Variants in SPAG16 observed in about 807,000 individuals in gnomAD.
SPAG16 encodes sperm-associated antigen 16 protein.
A neutral mutation model predicts 80.4 loss-of-function variants in SPAG16; 86 were observed. That is an observed-to-expected ratio of 1.07 (90% CI 0.90 to 1.28). SPAG16 has a LOEUF of 1.28. Ranked by LOEUF, SPAG16 falls within the 50% of genes most tolerant of loss-of-function variation. The pLI is 0.00. For missense variants in SPAG16, 870 were observed against 765.3 expected, an observed-to-expected ratio of 1.14 and a Z score of -1.61; for synonymous variants, 294 against 265.9, an observed-to-expected ratio of 1.11 and a Z score of -1.03.
intron 15 of SPAG16, among the ~76,000 whole-genome samples, chr2:214,195,788 TAAAA>T (rs142330864): frequency 6.6e-6 from 1 of 151,724 alleles, no homozygotes; most frequent in Non-Finnish European, 1.5e-5. Context: ...GAAATTCAAG[TAAAA>T]AAAACTAGCT....
At chr2:213,949,169 G>GTTTTTTTTTTTTTTTTTTTTTTTTGT (rs2079603621) in intron 12 of SPAG16, among the ~76,000 whole-genome samples, 1 of 56,724 alleles carries the variant, frequency 1.8e-5, no homozygotes, top group Non-Finnish European at 3.6e-5. Context: ...AATTACAACA[G>GTTTTTTTTTTTTTTTTTTTTTTTTGT]TTTTTTTTTT....
chr2:214,151,940 T>C (rs1313435787), intron 15 of SPAG16, among the ~76,000 whole-genome samples: 1 of 152,182 alleles, frequency 6.6e-6, no homozygotes, highest in Admixed American at 6.5e-5. Context: ...TACATAAAAG[T>C]TGCTAATAAT....
intron 10 of SPAG16, among the ~76,000 whole-genome samples, chr2:213,761,892 CAAAACA>C (rs201626757): frequency 4.7e-5 from 2 of 42,288 alleles, no homozygotes; most frequent in East Asian, 5.7e-4. Context: ...AACAAAAAAA[CAAAACA>C]AAAAAAAACC....
chr2:214,039,041 C>A (rs6435812), intron 13 of SPAG16, among the ~76,000 whole-genome samples: 143,557 of 150,576 alleles, frequency 0.95, 68,617 homozygotes, highest in Non-Finnish European at 0.99. Context: ...GATTTATAAT[C>A]CTTTGGGTAT....
intron 13 of SPAG16, among the ~76,000 whole-genome samples, chr2:214,045,995 A>T (rs946152725): frequency 1.3e-5 from 2 of 152,176 alleles, no homozygotes; most frequent in African/African-American, 4.8e-5. Flanking sequence ...CAAATAAATA[A>T]AATCTGAAAT....
rs758594176 is a variant in SPAG16 at position 213,364,111 on chromosome 2, A to G, written c.798A>G (p.Gln266=). The G allele has an allele frequency of 1.3e-6, 2 of 1,527,726 alleles. No individual in the cohort carries two copies. Among genetic ancestry groups the G allele is most frequent in the Admixed American group, 4.4e-5 (2 of 45,124 alleles). The allele number at this position is 1,527,726 out of a possible 1,614,324, so 94.6% of individuals were successfully genotyped here. The change falls in exon 8 of 16, where the codon CAA becomes CAG. Residue 266 remains glutamine, a synonymous_variant. Coordinates refer to ENST00000331683, the MANE Select transcript of SPAG16 (RefSeq NM_024532.5). ...TTCAAGAAACATTGAAGAAACTGCA[A>G]AGAGGACATAGTTACCATGGTCCTC... ...SGLQETLKKL[Q]RGHSYHGPQI... is the part of the protein sequence containing the mutation.
At chr2:213,439,232 A>G (rs1230598819) in intron 9 of SPAG16, among the ~76,000 whole-genome samples, 1 of 152,234 alleles carries the variant, frequency 6.6e-6, no homozygotes, top group Non-Finnish European at 1.5e-5. Flanking sequence ...CATAAAATTG[A>G]CATAGACTGT....
At chr2:213,602,465 C>T (rs1400157079) in intron 10 of SPAG16, among the ~76,000 whole-genome samples, 1 of 152,070 alleles carries the variant, frequency 6.6e-6, no homozygotes, top group Non-Finnish European at 1.5e-5. Context: ...AACCCCGTCT[C>T]TACAAAAACT....
intron 13 of SPAG16, among the ~76,000 whole-genome samples, chr2:214,061,998 C>CAT (rs2050284324): frequency 6.8e-6 from 1 of 147,182 alleles, no homozygotes; most frequent in Non-Finnish European, 1.5e-5. Context: ...CACACACACA[C>CAT]ACACACACAC....
chr2:214,264,226 G>A lies in SPAG16; in HGVS notation c.1720+114960G>A, dbSNP rs1332988717. The stretch of plus-strand genomic sequence containing the variant: ...AAATCAGATCAAATCTCCTATATAA[G>A]ACCAAGAATATTTTTCCAGTGTACC... On this transcript the variant is annotated intron_variant, in intron 15 of 15. Coordinates refer to ENST00000331683, the MANE Select transcript of SPAG16 (RefSeq NM_024532.5). Among the ~76,000 whole-genome samples, 3 of 152,002 alleles carry A rather than the reference G, an allele frequency of 2.0e-5. No individual in the cohort carries two copies. The East Asian group carries it at 5.8e-4, about 29-fold the overall frequency.
intron 10 of SPAG16, among the ~76,000 whole-genome samples, chr2:213,678,852 G>C (rs1324631799): frequency 6.6e-6 from 1 of 152,080 alleles, no homozygotes; most frequent in East Asian, 1.9e-4. Context: ...AAATGGGTGA[G>C]GACACTCTAC....
At chr2:214,383,754 T>G (rs1401015699) in intron 15 of SPAG16, among the ~76,000 whole-genome samples, 1 of 151,970 alleles carries the variant, frequency 6.6e-6, no homozygotes, top group Non-Finnish European at 1.5e-5. Context: ...GGGAGAGAGA[T>G]TATGTAAACC....
rs532759974 is a variant in SPAG16, at chr2:213,504,360, A to G, written c.1070+14270A>G. Among the ~76,000 whole-genome samples, 49 of 152,346 alleles carry G rather than the reference A, an allele frequency of 3.2e-4. 2 individuals carry two copies. In the South Asian group the frequency reaches 9.5e-3, roughly 30 times the overall value. On this transcript the variant is annotated intron_variant, in intron 10 of 15. Coordinates refer to ENST00000331683, the MANE Select transcript of SPAG16 (RefSeq NM_024532.5). ...TGGTAATAAAACAAAACATCTTTAA[A>G]TTTTAATCAGGGACACACTTTAAGA...
At chr2:213,643,345 ATTTTATATATATATATAT>A (rs2062676869) in intron 10 of SPAG16, among the ~76,000 whole-genome samples, 1 of 46,160 alleles carries the variant, frequency 2.2e-5, no homozygotes, top group African/African-American at 9.7e-5. Context: ...TTGGATCTTA[ATTTTATATATATATATAT>A]ATATATATAT....
At chr2:214,240,645 T>A (rs747810494) in intron 15 of SPAG16, 7 of 152,204 alleles carry the variant, frequency 4.6e-5, no homozygotes, top group African/African-American at 1.7e-4. Flanking sequence ...AATTTAGCTA[T>A]ACAATCTACT....
At chr2:213,720,543 C>G (rs1248295403) in intron 10 of SPAG16, among the ~76,000 whole-genome samples, 1 of 150,890 alleles carries the variant, frequency 6.6e-6, no homozygotes, top group Non-Finnish European at 1.5e-5. Flanking sequence ...AAGGCTGAGG[C>G]AGGACAATGG....
intron 10 of SPAG16, among the ~76,000 whole-genome samples, chr2:213,745,441 C>T (rs2067773846): frequency 6.6e-6 from 1 of 152,094 alleles, no homozygotes; most frequent in Non-Finnish European, 1.5e-5. Context: ...CGGAGTTTCA[C>T]CATGTTGACT....
chr2:214,005,284 G>A (rs1188356518), intron 12 of SPAG16, among the ~76,000 whole-genome samples: 5 of 152,126 alleles, frequency 3.3e-5, no homozygotes, highest in African/African-American at 7.2e-5. Flanking sequence ...GGACTTGAAG[G>A]CACTCTGAGT....
intron 8 of SPAG16, among the ~76,000 whole-genome samples, chr2:213,369,378 G>T (rs75851879): frequency 0.054 from 8,142 of 152,062 alleles, 698 homozygotes; most frequent in African/African-American, 0.18. Flanking sequence ...ATAAAATTAT[G>T]GTGTCATAAG....
Sources: gnomAD v4.1 joint callset for allele counts (sites outside exome capture counted in the v4.1 genomes callset) on GRCh38, gnomAD v4.1.1 for gene constraint, MANE v1.5 for transcripts, NCBI Gene and HGNC (gene_info 2026-07-23, HGNC 2026-07-21) for gene names.